Variants in SIL1 observed in about 807,000 individuals in gnomAD.
The protein encoded by SIL1 is nucleotide exchange factor SIL1.
SIL1 carries 40 observed loss-of-function variants against 49.1 expected under a neutral mutation model. That is an observed-to-expected ratio of 0.81 (90% confidence interval 0.63 to 1.06). The LOEUF is 1.06. Ranked by LOEUF, SIL1 falls within the 50% of genes least tolerant of loss-of-function variation. The pLI, the probability that SIL1 is intolerant of heterozygous loss-of-function variation, is 0.00. For missense variants in SIL1, 500 were observed against 572.6 expected, an observed-to-expected ratio of 0.87 and a Z score of 1.29; for synonymous variants, 253 against 250.8, an observed-to-expected ratio of 1.01 and a Z score of -0.08.
intron 1 of SIL1, among the ~76,000 whole-genome samples, chr5:139,143,344 C>CACACACACACACATATAT: frequency 1.0e-5 from 1 of 97,506 alleles, no homozygotes; most frequent in African/African-American, 5.5e-5. Context: ...CACACACACA[C>CACACACACACACATATAT]ATATATATAT....
At chr5:139,092,927 T>A (rs751533834) in intron 3 of SIL1, among the ~76,000 whole-genome samples, 21 of 152,218 alleles carry the variant, frequency 1.4e-4, no homozygotes, top group African/African-American at 4.3e-4. Flanking sequence ...ATGAGGGCTT[T>A]GCCCTCATGA....
At chr5:138,983,358 A>T (rs1767573968) in intron 7 of SIL1, among the ~76,000 whole-genome samples, 1 of 151,796 alleles carries the variant, frequency 6.6e-6, no homozygotes, top group African/African-American at 2.4e-5. Context: ...AGTACAAAAA[A>T]TTAGCCAGGC....
chr5:139,077,128 C>T (rs546334461), intron 3 of SIL1, among the ~76,000 whole-genome samples: 2 of 152,246 alleles, frequency 1.3e-5, no homozygotes, highest in South Asian at 4.1e-4. Context: ...AGTAAGACTC[C>T]ATCTCAAAAA....
intron 7 of SIL1, among the ~76,000 whole-genome samples, chr5:138,982,463 C>T (rs569083117): frequency 6.6e-6 from 1 of 152,302 alleles, no homozygotes; most frequent in South Asian, 2.1e-4. Flanking sequence ...AGAGCGATGC[C>T]CTATCGATTT....
At chr5:139,077,265 T>C (rs1769973268) in intron 3 of SIL1, among the ~76,000 whole-genome samples, 1 of 152,254 alleles carries the variant, frequency 6.6e-6, no homozygotes, top group African/African-American at 2.4e-5. Flanking sequence ...GGATTTCATG[T>C]GGCTTAATAC....
intron 3 of SIL1, among the ~76,000 whole-genome samples, chr5:139,071,249 G>A (rs1356434021): frequency 6.6e-6 from 1 of 151,810 alleles, no homozygotes; most frequent in Non-Finnish European, 1.5e-5. Context: ...GTAACCTGTA[G>A]ATTCAAAGAG....
intron 3 of SIL1, among the ~76,000 whole-genome samples, chr5:139,080,619 C>T (rs1304833151): frequency 6.6e-6 from 1 of 152,220 alleles, no homozygotes; most frequent in African/African-American, 2.4e-5. Flanking sequence ...GAACAGACTG[C>T]AAAATCCATT....
intron 3 of SIL1, among the ~76,000 whole-genome samples, chr5:139,051,654 T>C (rs1769288184): frequency 6.6e-6 from 1 of 151,964 alleles, no homozygotes; most frequent in Non-Finnish European, 1.5e-5. Context: ...CTTAACGTTA[T>C]GAAAAGGAAG....
rs532347683 is a variant in SIL1, at chr5:139,157,043, C to T, written c.-10-29190G>A. ...GTCCACTATCTGATGGGTGACCCTG[C>T]CAAGAATTGAAGCAATCAGCACTGA... is the stretch of plus-strand genomic sequence containing the variant. On this transcript the variant is annotated intron_variant, in intron 1 of 9. Coordinates refer to ENST00000394817, the MANE Select transcript of SIL1 (RefSeq NM_022464.5). Among the ~76,000 whole-genome samples, 4 of 152,276 alleles carry T rather than the reference C, an allele frequency of 2.6e-5. No individual in the cohort carries two copies. The South Asian group carries it at 6.2e-4, about 24-fold the overall frequency.
chr5:139,110,389 T>C (rs917199841), intron 3 of SIL1, among the ~76,000 whole-genome samples: 1 of 152,112 alleles, frequency 6.6e-6, no homozygotes, highest in Non-Finnish European at 1.5e-5. Context: ...TGGCCATAGG[T>C]AATCAAATCT....
At chr5:139,138,514 T>C (rs1165921237) in intron 1 of SIL1, among the ~76,000 whole-genome samples, 1 of 152,170 alleles carries the variant, frequency 6.6e-6, no homozygotes. Context: ...AGAAGCTCCA[T>C]TCCCTTCCAA....
At chr5:139,096,344 C>T (rs1770467091) in intron 3 of SIL1, among the ~76,000 whole-genome samples, 1 of 152,160 alleles carries the variant, frequency 6.6e-6, no homozygotes, top group East Asian at 1.9e-4. Context: ...TCTAAGTAAA[C>T]TTGAAAGCCT....
chr5:138,976,312 T>C (rs200959559), intron 7 of SIL1, among the ~76,000 whole-genome samples: 121 of 139,858 alleles, frequency 8.7e-4, no homozygotes, highest in African/African-American at 3.1e-3. Flanking sequence ...TTACCTCTCT[T>C]TTTTTTTTTT....
intron 3 of SIL1, among the ~76,000 whole-genome samples, chr5:139,069,658 C>T (rs1307930099): frequency 6.6e-6 from 1 of 152,104 alleles, no homozygotes; most frequent in Middle Eastern, 3.2e-3. Context: ...ATTGAAATAA[C>T]ACACTGTATA....
At chr5:139,031,860 C>A (rs1040355404) in intron 5 of SIL1, among the ~76,000 whole-genome samples, 2 of 152,146 alleles carry the variant, frequency 1.3e-5, no homozygotes, top group African/African-American at 4.8e-5. Flanking sequence ...CTAAATATTT[C>A]ATTTTTAGGG....
intron 7 of SIL1, among the ~76,000 whole-genome samples, chr5:139,009,970 T>C (rs1768216225): frequency 6.6e-6 from 1 of 152,116 alleles, no homozygotes; most frequent in African/African-American, 2.4e-5. Context: ...GGAGCATCTT[T>C]GTGGCGTTCT....
chr5:139,158,145 C>G (rs1751440325), intron 1 of SIL1, among the ~76,000 whole-genome samples: 1 of 152,088 alleles, frequency 6.6e-6, no homozygotes, highest in Non-Finnish European at 1.5e-5. Flanking sequence ...GCCACCTTCC[C>G]AAAGTCAGAG....
rs558202729 is a variant in SIL1 at position 139,111,989 on chromosome 5, T to G, written c.244+9046A>C. ...CCTGCCGAGCGCCTGCGATTGCAGG[T>G]GCGCGCCGCCACGCCTGACTGGTTT... is the stretch of plus-strand genomic sequence containing the variant. On this transcript the variant is annotated intron_variant, in intron 3 of 9. Transcript: ENST00000394817. Among the ~76,000 whole-genome samples the G allele has an allele frequency of 1.1e-4, 16 of 152,300 alleles. 1 individual carries two copies. The South Asian group carries it at 3.3e-3, about 32-fold the overall frequency.
rs781278931 is a variant in SIL1 at position 138,951,329 on chromosome 5, A to T, written c.871T>A (p.Phe291Ile). The T allele has an allele frequency of 6.4e-7, 1 of 1,553,862 alleles. No individual in the cohort carries two copies. The highest frequency in any genetic ancestry group is 8.7e-7 in the Non-Finnish European group (1 of 1,148,158). ...TGGCGCAGCAGGGAGCACAGTGCAA[A>T]CAGGACCTGGGGGCACAGACCCAGG... ...QPLTAKKKVL[F>I]ALCSLLRHFP... Residue 291 changes from phenylalanine to isoleucine, a missense_variant, in exon 9 of 10, where the codon TTT becomes ATT. Coordinates refer to ENST00000394817, the MANE Select transcript of SIL1 (RefSeq NM_022464.5).
Sources: gnomAD v4.1 joint callset for allele counts (sites outside exome capture counted in the v4.1 genomes callset) on GRCh38, gnomAD v4.1.1 for gene constraint, MANE v1.5 for transcripts, NCBI Gene and HGNC (gene_info 2026-07-23, HGNC 2026-07-21) for gene names.